Variants in ATF7IP observed in about 807,000 individuals in gnomAD.
ATF7IP encodes activating transcription factor 7-interacting protein 1.
A neutral mutation model predicts 106.4 loss-of-function variants in ATF7IP; 23 were observed. The observed-to-expected ratio is 0.22, with a 90% CI of 0.16 to 0.31. ATF7IP has a LOEUF of 0.31. Ranked by LOEUF, ATF7IP falls within the 10% of genes least tolerant of loss-of-function variation. The probability of loss-of-function intolerance (pLI) is 1.00; values close to 1 mark genes in which losing one functional copy is unlikely to be tolerated. For missense variants in ATF7IP, 1,334 were observed against 1,524.3 expected (o/e 0.88, Z 2.08); for synonymous variants, 542 against 539.0 (o/e 1.01, Z -0.08).
intron 13 of ATF7IP, among the ~76,000 whole-genome samples, chr12:14,494,124 T>C (rs112849524): frequency 1.7e-3 from 260 of 151,252 alleles, no homozygotes; most frequent in Middle Eastern, 0.017. Flanking sequence ...ACTATTAGAA[T>C]TAGAGTTTTT....
chr12:14,497,727 C>T lies in ATF7IP; in HGVS notation c.3467C>T (p.Ala1156Val). ...CCACAGCGTCTGCCCCCAGAAGCTGCCAGCACATCTCTGCCTCAGAAGCCA... is the reference window on the plus strand; with the variant it reads ...CCACAGCGTCTGCCCCCAGAAGCTGTCAGCACATCTCTGCCTCAGAAGCCA... ...PQPQRLPPEAASTSLPQKPHL... is the reference protein window; with the variant it reads ...PQPQRLPPEAVSTSLPQKPHL... Residue 1156 changes from alanine (A) to valine (V), a missense_variant, in exon 15 of 15, where the codon GCC (alanine) becomes GTC (valine). Ala to Val is a moderately conservative substitution (Grantham distance 64). Transcript: ENST00000261168. 6.2e-7 allele frequency: 1 copy of T among 1,614,174 alleles called. No individual in the cohort carries two copies. The highest frequency in any genetic ancestry group is 1.7e-5 in the Admixed American group (1 of 60,016).
intron 5 of ATF7IP, 66 bp from the exon 6 acceptor site, chr12:14,446,921 GT>G (rs544088884): frequency 0.034 from 27,280 of 799,042 alleles, 29 homozygotes; most frequent in East Asian, 0.056. Flanking sequence ...TATATTCATG[GT>G]TTTTTTTTTT....
intron 1 of ATF7IP, among the ~76,000 whole-genome samples, chr12:14,372,210 G>GGCTC (rs1938560806): frequency 6.6e-6 from 1 of 151,930 alleles, no homozygotes; most frequent in South Asian, 2.1e-4. Context: ...GTAAATCAGG[G>GGCTC]GCTCCTCCAG....
chr12:14,470,186 C>T (rs1943988090), intron 10 of ATF7IP, among the ~76,000 whole-genome samples: 2 of 152,306 alleles, frequency 1.3e-5, no homozygotes, highest in South Asian at 2.1e-4. Flanking sequence ...AGCTCTTCTG[C>T]GTGAACTCTT....
chr12:14,407,749 T>G (rs1007492151), intron 1 of ATF7IP, among the ~76,000 whole-genome samples: 7 of 151,714 alleles, frequency 4.6e-5, no homozygotes, highest in African/African-American at 1.7e-4. Context: ...ATAATTTGTT[T>G]TTCTAACTGA....
chr12:14,477,054 T>A (rs1432032448), intron 11 of ATF7IP, among the ~76,000 whole-genome samples: 1 of 152,218 alleles, frequency 6.6e-6, no homozygotes, highest in Non-Finnish European at 1.5e-5. Context: ...TTCTCAAACT[T>A]ACTTGGCTGT....
chr12:14,473,332 T>G (rs1944133872), intron 10 of ATF7IP, among the ~76,000 whole-genome samples: 1 of 102,098 alleles, frequency 9.8e-6, no homozygotes, highest in African/African-American at 3.6e-5. Context: ...GTGTGTGTTT[T>G]AGGGGTTGTT....
intron 1 of ATF7IP, among the ~76,000 whole-genome samples, chr12:14,370,902 ATTT>A (rs533633885): frequency 6.9e-6 from 1 of 144,990 alleles, no homozygotes. Context: ...AACACAGACA[ATTT>A]TTTTTTTTTT....
intron 7 of ATF7IP, 74 bp from the exon 8 acceptor site, chr12:14,457,133 C>T: frequency 3.1e-6 from 4 of 1,297,934 alleles, no homozygotes; most frequent in Non-Finnish European, 4.4e-6. Flanking sequence ...TGGGCCACTG[C>T]TTATTCTAGA....
intron 2 of ATF7IP, among the ~76,000 whole-genome samples, chr12:14,426,085 T>G (rs1026184398): frequency 1.3e-5 from 2 of 152,320 alleles, no homozygotes; most frequent in Non-Finnish European, 2.9e-5. Context: ...CCCAATTCTC[T>G]TATTTGATAT....
chr12:14,397,005 A>G (rs758026492), intron 1 of ATF7IP, among the ~76,000 whole-genome samples: 35 of 152,154 alleles, frequency 2.3e-4, no homozygotes, highest in Non-Finnish European at 4.4e-4. Context: ...TACTAAAAAT[A>G]CAAAAAATTA....
intron 1 of ATF7IP, among the ~76,000 whole-genome samples, chr12:14,413,725 C>T (rs958110555): frequency 8.6e-5 from 13 of 151,870 alleles, no homozygotes; most frequent in African/African-American, 2.9e-4. Context: ...TATTATTCCT[C>T]GATAAGCATC....
At chr12:14,434,502 CT>C in intron 3 of ATF7IP, 79 bp downstream of exon 3, 2 of 944,838 alleles carry the variant, frequency 2.1e-6, no homozygotes, top group African/African-American at 1.7e-5. Flanking sequence ...GTGTAATATT[CT>C]TTTTTGCCCA....
At position 14,385,488 on chromosome 12, in the gene ATF7IP, A is replaced by T. The variant is rs983026090; in HGVS notation, c.-8+19661A>T. 2.4e-6 allele frequency: 3 copies of T among 1,235,928 alleles called. No homozygotes were observed. The African/African-American group carries it at 4.6e-5, about 19-fold the overall frequency. The allele number at this position is 1,235,928 out of a possible 1,614,324, so 76.6% of individuals were successfully genotyped here. On this transcript the variant is annotated intron_variant, in intron 1 of 14. Coordinates refer to ENST00000261168, the MANE Select transcript of ATF7IP (RefSeq NM_018179.5). ...TAACTGAGTTTACTTAGAGGGGTGAACTTAGAGCTTGGTTTTTAAAAAGTT... is the reference window on the plus strand; with the variant it reads ...TAACTGAGTTTACTTAGAGGGGTGATCTTAGAGCTTGGTTTTTAAAAAGTT...
intron 1 of ATF7IP, among the ~76,000 whole-genome samples, chr12:14,412,263 G>C (rs1379614163): frequency 6.6e-6 from 1 of 152,064 alleles, no homozygotes; most frequent in Non-Finnish European, 1.5e-5. Context: ...TGGTTGTTCT[G>C]GGACCCTTGC....
intron 1 of ATF7IP, among the ~76,000 whole-genome samples, chr12:14,391,739 G>C (rs980803514): frequency 6.6e-6 from 1 of 152,102 alleles, no homozygotes; most frequent in Non-Finnish European, 1.5e-5. Context: ...TGTTTGTTTT[G>C]AGACAGAGTT....
chr12:14,494,672 C>T (rs1341813730), intron 13 of ATF7IP, among the ~76,000 whole-genome samples: 2 of 150,950 alleles, frequency 1.3e-5, no homozygotes, highest in Non-Finnish European at 2.9e-5. Flanking sequence ...GTAGCTCACG[C>T]CTGTAATCCC....
At chr12:14,414,801 A>G (rs1196784574) in intron 1 of ATF7IP, among the ~76,000 whole-genome samples, 1 of 152,236 alleles carries the variant, frequency 6.6e-6, no homozygotes, top group African/African-American at 2.4e-5. Flanking sequence ...TGGGTTAATA[A>G]GAAAAGTAAG....
chr12:14,406,593 A>T (rs1378564382), intron 1 of ATF7IP, among the ~76,000 whole-genome samples: 2 of 136,928 alleles, frequency 1.5e-5, no homozygotes, highest in South Asian at 2.2e-4. Flanking sequence ...TGTAACATTT[A>T]AAAAAAAAAA....
Sources: gnomAD v4.1 joint callset for allele counts (sites outside exome capture counted in the v4.1 genomes callset) on GRCh38, gnomAD v4.1.1 for gene constraint, MANE v1.5 for transcripts, NCBI Gene and HGNC (gene_info 2026-07-23, HGNC 2026-07-21) for gene names.